The following TUSC3 variants were observed in gnomAD, a reference collection of about 807,000 sequenced individuals.
The protein encoded by TUSC3 is tumor suppressor candidate 3, also known as dolichyl-diphosphooligosaccharide--protein glycosyltransferase subunit TUSC3.
In TUSC3, 45 loss-of-function variants were observed where a neutral mutation model predicts 44.8. That is an observed-to-expected ratio of 1.00 (90% CI 0.79 to 1.29). The LOEUF is 1.29. Ranked by LOEUF, TUSC3 falls within the 50% of genes most tolerant of loss-of-function variation. The probability of loss-of-function intolerance (pLI) is 0.00; values close to 1 mark genes in which losing one functional copy is unlikely to be tolerated. For missense variants in TUSC3, 519 were observed against 437.9 expected, an observed-to-expected ratio of 1.19 and a Z score of -1.65; for synonymous variants, 212 against 152.9, an observed-to-expected ratio of 1.39 and a Z score of -2.85.
the TUSC3 span, among the ~76,000 whole-genome samples, chr8:15,840,555 G>A: frequency 2.6e-5 from 4 of 152,046 alleles, no homozygotes; most frequent in African/African-American, 9.7e-5. Flanking sequence ...AGAATAAGAT[G>A]CTATTAGGGC....
intron 1 of TUSC3, among the ~76,000 whole-genome samples, chr8:15,422,645 ATTGGTTGG>A (rs990461365): frequency 1.3e-5 from 2 of 152,024 alleles, no homozygotes; most frequent in South Asian, 2.1e-4. Context: ...TGATTGGTTG[ATTGGTTGG>A]TTGGTTGGTT....
At chr8:15,784,947 A>G in the TUSC3 span, among the ~76,000 whole-genome samples, 1 of 152,150 alleles carries the variant, frequency 6.6e-6, no homozygotes, top group African/African-American at 2.4e-5. Flanking sequence ...TGATGGATGT[A>G]TTAGGCCAGT....
chr8:15,758,577 C>CT (rs1444456023), intron 10 of TUSC3, among the ~76,000 whole-genome samples: 3 of 151,984 alleles, frequency 2.0e-5, no homozygotes, highest in Admixed American at 6.6e-5. Flanking sequence ...ATACAGCCTT[C>CT]TTACTCTGGC....
chr8:15,715,885 G>C (rs537371726), intron 6 of TUSC3, among the ~76,000 whole-genome samples: 1 of 151,822 alleles, frequency 6.6e-6, no homozygotes, highest in Admixed American at 6.6e-5. Flanking sequence ...TTTTAGTATT[G>C]AGGTATGATT....
At chr8:15,573,039 G>A (rs1050489025) in intron 1 of TUSC3, among the ~76,000 whole-genome samples, 1 of 151,844 alleles carries the variant, frequency 6.6e-6, no homozygotes, top group Non-Finnish European at 1.5e-5. Flanking sequence ...CCATAGAGTT[G>A]CTTAATGGAG....
chr8:15,627,730 G>T (rs1476145002), intron 2 of TUSC3, among the ~76,000 whole-genome samples: 1 of 152,244 alleles, frequency 6.6e-6, no homozygotes, highest in Non-Finnish European at 1.5e-5. Flanking sequence ...CAGGGAGCTG[G>T]TGTCTCTTCC....
At chr8:15,452,941 C>G (rs1800212453) in intron 1 of TUSC3, among the ~76,000 whole-genome samples, 2 of 151,962 alleles carry the variant, frequency 1.3e-5, no homozygotes, top group African/African-American at 2.4e-5. Context: ...TTGGTAAGTT[C>G]TTTTATCCCT....
chr8:15,456,483 AGGAGG>A (rs1459442274), intron 1 of TUSC3, among the ~76,000 whole-genome samples: 1 of 152,188 alleles, frequency 6.6e-6, no homozygotes, highest in South Asian at 2.1e-4. Flanking sequence ...AAGAAAAGAG[AGGAGG>A]GCTTCCACGA....
At chr8:15,631,346 A>ATATATGTG (rs1805755284) in intron 2 of TUSC3, among the ~76,000 whole-genome samples, 1 of 152,116 alleles carries the variant, frequency 6.6e-6, no homozygotes, top group Non-Finnish European at 1.5e-5. Context: ...GTTTACAGCA[A>ATATATGTG]ACGTTCATTA....
intron 2 of TUSC3, among the ~76,000 whole-genome samples, chr8:15,523,937 T>G (rs1801338427): frequency 6.6e-6 from 1 of 150,744 alleles, no homozygotes; most frequent in African/African-American, 2.4e-5. Context: ...GCACCTGTAG[T>G]CCCATCTACT....
At chr8:15,725,631 T>C (rs1810469167) in intron 6 of TUSC3, among the ~76,000 whole-genome samples, 1 of 151,508 alleles carries the variant, frequency 6.6e-6, no homozygotes, top group East Asian at 1.9e-4. Context: ...ATGATGACGG[T>C]AGATTACATT....
At position 15,502,766 on chromosome 8, in the gene TUSC3, C is replaced by T. The variant is rs1585067958; in HGVS notation, n.189+19283C>T. Among the ~76,000 whole-genome samples, 8 of 152,346 alleles carry T rather than the reference C, an allele frequency of 5.3e-5. 1 individual carries two copies. Among genetic ancestry groups the T allele is most frequent in the Admixed American group, 5.2e-4 (8 of 15,296 alleles). ...TTGGCCTCCCAAAGTGCTGGGATTA[C>T]AGGCATGAGCTACCACAGCAGGTCC... is the stretch of plus-strand genomic sequence containing the variant. On this transcript the variant is annotated intron_variant and non_coding_transcript_variant, in intron 2 of 5. Coordinates refer to the TUSC3 transcript ENST00000503191.
intron 1 of TUSC3, among the ~76,000 whole-genome samples, chr8:15,474,997 T>C (rs1316009610): frequency 1.3e-5 from 2 of 152,208 alleles, no homozygotes; most frequent in Non-Finnish European, 2.9e-5. Context: ...CATTTCCTTT[T>C]TTTTGATATT....
At chr8:15,425,722 G>A (rs1382164705) in intron 1 of TUSC3, among the ~76,000 whole-genome samples, 3 of 152,170 alleles carry the variant, frequency 2.0e-5, no homozygotes, top group Admixed American at 6.5e-5. Context: ...ATCTCTCATG[G>A]CTTTGATCTC....
At chr8:15,731,152 A>T (rs1810705843) in intron 7 of TUSC3, among the ~76,000 whole-genome samples, 1 of 152,280 alleles carries the variant, frequency 6.6e-6, no homozygotes, top group South Asian at 2.1e-4. Flanking sequence ...AGAGTGGTTC[A>T]ACATGCCTTT....
At chr8:15,569,371 G>C (rs1317384055) in intron 1 of TUSC3, among the ~76,000 whole-genome samples, 2 of 152,080 alleles carry the variant, frequency 1.3e-5, no homozygotes, top group Non-Finnish European at 2.9e-5. Context: ...GATGAATTGA[G>C]GTGATAATCA....
intron 2 of TUSC3, among the ~76,000 whole-genome samples, chr8:15,485,339 C>A (rs771561197): frequency 2.6e-5 from 4 of 152,200 alleles, no homozygotes; most frequent in South Asian, 2.1e-4. Context: ...TGTTTCTTTG[C>A]TGCATTTTTA....
At chr8:15,752,299 A>G (rs902973159) in intron 9 of TUSC3, among the ~76,000 whole-genome samples, 12 of 152,110 alleles carry the variant, frequency 7.9e-5, no homozygotes, top group Non-Finnish European at 1.8e-4. Flanking sequence ...TGTTCATGGT[A>G]TATTCTGAGG....
chr8:15,577,213 C>G (rs1175156176), intron 1 of TUSC3, among the ~76,000 whole-genome samples: 1 of 150,810 alleles, frequency 6.6e-6, no homozygotes, highest in Non-Finnish European at 1.5e-5. Flanking sequence ...TGGATATTAG[C>G]CCTTTGTCAG....
Sources: gnomAD v4.1 joint callset for allele counts (sites outside exome capture counted in the v4.1 genomes callset) on GRCh38, gnomAD v4.1.1 for gene constraint, MANE v1.5 for transcripts, NCBI Gene and HGNC (gene_info 2026-07-23, HGNC 2026-07-21) for gene names.